The following UTRN variants were observed in gnomAD, a reference collection of about 807,000 sequenced individuals.
UTRN encodes utrophin.
Under a neutral mutation model 463.9 loss-of-function variants are expected in UTRN, and 283 were observed. The ratio of observed to expected loss-of-function variants is 0.61; its 90% CI spans 0.55 to 0.67. The LOEUF (loss-of-function observed/expected upper bound fraction) is 0.67, where lower values mean the gene tolerates loss of function less well. Among genes scored for constraint, UTRN ranks in the 30% least tolerant of loss-of-function variants. The pLI, the probability that UTRN is intolerant of heterozygous loss-of-function variation, is 0.00. For missense variants in UTRN, 3,922 were observed against 4,084.3 expected (o/e 0.96, Z 1.08); for synonymous variants, 1,442 against 1,431.5 (o/e 1.01, Z -0.17).
At chr6:144,766,787 G>T (rs1371963958) in intron 58 of UTRN, among the ~76,000 whole-genome samples, 1 of 150,880 alleles carries the variant, frequency 6.6e-6, no homozygotes, top group Non-Finnish European at 1.5e-5. Flanking sequence ...TTGAGGTAGG[G>T]GTGTGTGTGT....
intron 51 of UTRN, among the ~76,000 whole-genome samples, chr6:144,656,464 C>A (rs995282602): frequency 6.6e-6 from 1 of 152,146 alleles, no homozygotes; most frequent in African/African-American, 2.4e-5. Flanking sequence ...CCAGCTGGAG[C>A]GCAGTGGCAC....
Position 144,291,921 on chromosome 6 carries a change from G to A in UTRN, c.79+14G>A, listed in dbSNP as rs1388473833. 1.3e-6 allele frequency: 2 copies of A among 1,598,864 alleles called. No individual in the cohort carries two copies. Among genetic ancestry groups the A allele is most frequent in the Admixed American group, 1.7e-5 (1 of 57,236 alleles). ...AGTCCAGATCTGGTAGGTAAAGGAAGCTCAAGAAAGCTATGGATTTTTATG... is the reference window on the plus strand; with the variant it reads ...AGTCCAGATCTGGTAGGTAAAGGAAACTCAAGAAAGCTATGGATTTTTATG... On this transcript the variant is annotated intron_variant, in intron 2 of 74. Transcript: ENST00000367545.
At chr6:144,631,950 G>A (rs1272747268) in intron 51 of UTRN, among the ~76,000 whole-genome samples, 1 of 152,206 alleles carries the variant, frequency 6.6e-6, no homozygotes, top group Non-Finnish European at 1.5e-5. Flanking sequence ...GACTGACATT[G>A]CTACCCTTTG....
intron 51 of UTRN, among the ~76,000 whole-genome samples, chr6:144,590,921 A>C (rs917900607): frequency 1.3e-5 from 2 of 151,764 alleles, no homozygotes; most frequent in African/African-American, 4.8e-5. Context: ...GTAGGAGTTA[A>C]ATAAGTTAAT....
intron 17 of UTRN, among the ~76,000 whole-genome samples, chr6:144,449,549 T>C (rs1788045862): frequency 6.6e-6 from 1 of 152,118 alleles, no homozygotes. Context: ...GTCTCTTCTC[T>C]GAAATATTAA....
intron 2 of UTRN, among the ~76,000 whole-genome samples, chr6:144,370,643 C>T (rs1779900709): frequency 6.6e-6 from 1 of 152,158 alleles, no homozygotes; most frequent in Non-Finnish European, 1.5e-5. Context: ...ATCCTTCAGA[C>T]CCCAGAATGG....
chr6:144,458,800 T>C lies in UTRN; in HGVS notation c.2315T>C (p.Val772Ala). The C allele has an allele frequency of 1.2e-6, 2 of 1,603,706 alleles. No homozygotes were observed. Among genetic ancestry groups the C allele is most frequent in the Non-Finnish European group, 1.7e-6 (2 of 1,177,406 alleles). The change falls in exon 20 of 75, where the codon GTT becomes GCT. Residue 772 changes from valine to alanine, a missense_variant. By Grantham distance (64) the Val-to-Ala change is moderately conservative. Coordinates refer to ENST00000367545, the MANE Select transcript of UTRN (RefSeq NM_007124.3). Reference protein sequence around the residue: ...EGLPTEEIKNVLEKVSSEWKN... With the variant: ...EGLPTEEIKNALEKVSSEWKN... ...CTTCCTACTGAAGAAATAAAAAATGTTCTGGAGAAGGTTTCATCAGAATGG... is the reference window on the plus strand; with the variant it reads ...CTTCCTACTGAAGAAATAAAAAATGCTCTGGAGAAGGTTTCATCAGAATGG...
intron 53 of UTRN, among the ~76,000 whole-genome samples, chr6:144,729,533 G>A (rs544671249): frequency 6.6e-6 from 1 of 152,308 alleles, no homozygotes; most frequent in African/African-American, 2.4e-5. Context: ...CCAGTAGGTG[G>A]TTATGTGTTT....
chr6:144,450,325 A>G (rs1788138926), intron 17 of UTRN, among the ~76,000 whole-genome samples: 2 of 152,148 alleles, frequency 1.3e-5, no homozygotes, highest in South Asian at 2.1e-4. Context: ...TCTTGGCCAC[A>G]TCGTCAATTG....
chr6:144,793,865 A>G lies in UTRN; in HGVS notation c.8952A>G (p.Glu2984=). The G allele has an allele frequency of 3.7e-6, 6 of 1,614,066 alleles. No individual in the cohort carries two copies. The highest frequency in any genetic ancestry group is 5.1e-6 in the Non-Finnish European group (6 of 1,179,958). Residue 2984 remains glutamate (E), a synonymous_variant, in exon 63 of 75, where the codon GAA becomes GAG. Coordinates refer to ENST00000367545, the MANE Select transcript of UTRN (RefSeq NM_007124.3). ...YLFKEVAGPT[E]MCDQRQLGLL... ...TTAAGGAAGTTGCAGGGCCAACAGA[A>G]ATGTGTGACCAGAGGCAGCTGGGCC...
intron 41 of UTRN, among the ~76,000 whole-genome samples, chr6:144,525,495 A>G (rs943185628): frequency 1.3e-4 from 19 of 151,812 alleles, no homozygotes; most frequent in Admixed American, 3.3e-4. Context: ...AATAGCCTTG[A>G]TCTTTTGTAT....
At chr6:144,455,772 T>A (rs1788753284) in intron 19 of UTRN, among the ~76,000 whole-genome samples, 1 of 152,224 alleles carries the variant, frequency 6.6e-6, no homozygotes, top group Non-Finnish European at 1.5e-5. Flanking sequence ...TGAGGGAGTT[T>A]ATTAGCTGAC....
chr6:144,840,171 A>G (rs925357899), intron 72 of UTRN, among the ~76,000 whole-genome samples: 3 of 152,022 alleles, frequency 2.0e-5, no homozygotes, highest in Non-Finnish European at 4.4e-5. Flanking sequence ...CTGGTGACGG[A>G]GGCTCCATCT....
chr6:144,764,973 C>T (rs1793124516), intron 58 of UTRN, among the ~76,000 whole-genome samples: 1 of 145,148 alleles, frequency 6.9e-6, no homozygotes, highest in South Asian at 2.4e-4. Context: ...GCCAATGCAA[C>T]AACAAATGAC....
rs567182198 is a variant in UTRN at position 144,366,417 on chromosome 6, G to A, written c.80-36706G>A. Among the ~76,000 whole-genome samples, 98 of 152,178 alleles carry A rather than the reference G, an allele frequency of 6.4e-4. 1 individual carries two copies. Among genetic ancestry groups the A allele is most frequent in the African/African-American group, 2.2e-3 (92 of 41,518 alleles). On this transcript the variant is annotated intron_variant, in intron 2 of 74. Transcript: ENST00000367545. ...CCTTCCTCCCATCTTCCAGCCTCTG[G>A]TAGGTCCCATGTCTGTTGTTCCCCT...
At chr6:144,336,211 G>A (rs1447852832) in intron 2 of UTRN, among the ~76,000 whole-genome samples, 1 of 152,184 alleles carries the variant, frequency 6.6e-6, no homozygotes, top group African/African-American at 2.4e-5. Context: ...ACAGGTTGTA[G>A]GTAGGGAAAG....
intron 69 of UTRN, among the ~76,000 whole-genome samples, chr6:144,831,125 A>G (rs1015448084): frequency 2.6e-5 from 4 of 152,222 alleles, no homozygotes; most frequent in Non-Finnish European, 2.9e-5. Flanking sequence ...TAGTCCTACC[A>G]GAAGAACATG....
chr6:144,521,936 G>A, intron 39 of UTRN, 44 bp from the exon 40 acceptor site: 1 of 842,044 alleles, frequency 1.2e-6, no homozygotes, highest in Non-Finnish European at 1.6e-6. Flanking sequence ...TATTTTAAGA[G>A]ATATATATAT....
intron 14 of UTRN, among the ~76,000 whole-genome samples, chr6:144,444,897 C>T (rs535089205): frequency 2.6e-5 from 4 of 152,270 alleles, no homozygotes; most frequent in Admixed American, 1.3e-4. Context: ...AGTGTTATCA[C>T]AGCAAATGAA....
Sources: allele counts gnomAD v4.1 joint callset (sites outside exome capture counted in the v4.1 genomes callset), GRCh38; gene constraint gnomAD v4.1.1; transcripts MANE v1.5; gene names NCBI Gene and HGNC (gene_info 2026-07-23, HGNC 2026-07-21).